Variants in NUP98 observed in about 807,000 individuals in gnomAD.
NUP98 encodes nuclear pore complex protein Nup98-Nup96.
Under a neutral mutation model 191.9 loss-of-function variants are expected in NUP98, and 26 were observed. The ratio of observed to expected loss-of-function variants is 0.14; its 90% CI spans 0.10 to 0.19. The LOEUF is 0.19. Ranked by LOEUF, NUP98 falls within the 10% of genes least tolerant of loss-of-function variation. The probability of loss-of-function intolerance (pLI) is 1.00; values close to 1 mark genes in which losing one functional copy is unlikely to be tolerated. For missense variants in NUP98, 1,941 were observed against 2,178.8 expected, an observed-to-expected ratio of 0.89 and a Z score of 2.17; for synonymous variants, 808 against 778.4, an observed-to-expected ratio of 1.04 and a Z score of -0.63.
chr11:3,689,426 C>G (rs1485243340), intron 28 of NUP98, among the ~76,000 whole-genome samples: 1 of 151,812 alleles, frequency 6.6e-6, no homozygotes, highest in African/African-American at 2.4e-5. Context: ...ACTTGGGAGG[C>G]TGAGGCAGGA....
At chr11:3,740,190 A>G (rs2080228899) in intron 12 of NUP98, among the ~76,000 whole-genome samples, 1 of 152,136 alleles carries the variant, frequency 6.6e-6, no homozygotes, top group Admixed American at 6.6e-5. Flanking sequence ...ATGAAGTAGA[A>G]TTGAAAACAG....
At chr11:3,686,740 T>C (rs1326030848) in intron 28 of NUP98, among the ~76,000 whole-genome samples, 2 of 152,026 alleles carry the variant, frequency 1.3e-5, no homozygotes, top group Non-Finnish European at 2.9e-5. Flanking sequence ...TCCCAACACA[T>C]TGGAAGGCTG....
At chr11:3,683,617 C>A (rs1265442221) in intron 29 of NUP98, among the ~76,000 whole-genome samples, 176 bp from the exon 30 acceptor site, 1 of 151,820 alleles carries the variant, frequency 6.6e-6, no homozygotes, top group African/African-American at 2.4e-5. Flanking sequence ...TGGCTCACGG[C>A]AAATTCCACC....
intron 1 of NUP98, among the ~76,000 whole-genome samples, chr11:3,794,387 C>A (rs1462477979): frequency 2.6e-5 from 4 of 152,156 alleles, no homozygotes; most frequent in African/African-American, 9.7e-5. Flanking sequence ...GTGGCACAAT[C>A]TTGGCTCACT....
Position 3,676,164 on chromosome 11 carries a change from G to C in NUP98, c.5398C>G (p.Leu1800Val). ...TGATGCAAAGTGCCTGGGGCTCACAGGCTCCCAACAGCCAGTTCTCGCAGA... is the reference window on the plus strand; with the variant it reads ...TGATGCAAAGTGCCTGGGGCTCACACGCTCCCAACAGCCAGTTCTCGCAGA... ...SYLRELAVGS[L>V] The change falls in exon 33 of 33, where the codon CTG (leucine) becomes GTG (valine). Residue 1800 changes from leucine to valine, a missense_variant. This residue lies in a region of NUP98 where 1,030 missense variants were observed against 1,115.8 expected (regional missense o/e 0.92). Transcript: ENST00000324932. 1 of 1,613,908 alleles carries C rather than the reference G, an allele frequency of 6.2e-7. No individual in the cohort carries two copies. Among genetic ancestry groups the C allele is most frequent in the Non-Finnish European group, 8.5e-7 (1 of 1,179,956 alleles).
intron 28 of NUP98, among the ~76,000 whole-genome samples, chr11:3,690,639 G>C (rs145597747): frequency 2.6e-5 from 4 of 151,948 alleles, no homozygotes; most frequent in African/African-American, 9.7e-5. Flanking sequence ...CCAATAAAAT[G>C]GTAAAATTTA....
chr11:3,720,770 A>T lies in NUP98; in HGVS notation c.2202T>A (p.Ala734=). The T allele has an allele frequency of 6.3e-7, 1 of 1,599,754 alleles. No individual in the cohort carries two copies. Among genetic ancestry groups the T allele is most frequent in the Non-Finnish European group, 8.6e-7 (1 of 1,169,302 alleles). ...YYTIPSMDDL[A]KITNEKGECI... Reference sequence around the variant, plus strand: ...ACTCTCCTTTTTCATTGGTAATTTTAGCAAGGTCATCCATAGATGGAATAG... The same window carrying T: ...ACTCTCCTTTTTCATTGGTAATTTTTGCAAGGTCATCCATAGATGGAATAG... Residue 734 remains alanine (A), a synonymous_variant, in exon 17 of 33, where the codon GCT becomes GCA. Transcript: ENST00000324932.
chr11:3,712,759 TTAAACA>T, intron 19 of NUP98, 31 bp from the exon 20 acceptor site: 1 of 1,602,380 alleles, frequency 6.2e-7, no homozygotes, highest in Non-Finnish European at 8.5e-7. Flanking sequence ...ACAAAACAAC[TTAAACA>T]TTATGCTTTC....
At chr11:3,709,268 C>T (rs552249685) in intron 20 of NUP98, among the ~76,000 whole-genome samples, 1 of 152,206 alleles carries the variant, frequency 6.6e-6, no homozygotes, top group East Asian at 1.9e-4. Context: ...TTTGGCTGGA[C>T]GTGGTGGCTT....
At chr11:3,731,051 A>G (rs111340823) in intron 14 of NUP98, among the ~76,000 whole-genome samples, 3,087 of 152,232 alleles carry the variant, frequency 0.02, 97 homozygotes, top group African/African-American at 0.071. Flanking sequence ...GATCATATGC[A>G]GTCAGGGGTT....
At chr11:3,759,015 T>C (rs1050187209) in intron 10 of NUP98, among the ~76,000 whole-genome samples, 2 of 152,230 alleles carry the variant, frequency 1.3e-5, no homozygotes, top group Non-Finnish European at 2.9e-5. Flanking sequence ...TTCCTGTAGT[T>C]GATAAACATA....
intron 4 of NUP98, among the ~76,000 whole-genome samples, chr11:3,778,215 A>G (rs189425080): frequency 4.7e-5 from 7 of 150,464 alleles, no homozygotes; most frequent in Admixed American, 6.6e-5. Flanking sequence ...AAAAAAAAAA[A>G]AAAAAGAAAG....
intron 11 of NUP98, among the ~76,000 whole-genome samples, chr11:3,748,263 T>A (rs773568056): frequency 6.6e-6 from 1 of 152,114 alleles, no homozygotes; most frequent in Non-Finnish European, 1.5e-5. Flanking sequence ...GTAATTCTGA[T>A]CACATAAAAA....
At chr11:3,728,298 A>G (rs1313901565) in intron 14 of NUP98, among the ~76,000 whole-genome samples, 1 of 152,216 alleles carries the variant, frequency 6.6e-6, no homozygotes. Flanking sequence ...ATGCCAATGT[A>G]AGCACTTTGG....
intron 6 of NUP98, among the ~76,000 whole-genome samples, chr11:3,772,685 T>G (rs1364418667): frequency 6.6e-6 from 1 of 151,872 alleles, no homozygotes; most frequent in African/African-American, 2.4e-5. Context: ...CATAGTGGCG[T>G]GCAGCTGCAA....
chr11:3,762,279 G>GTTT (rs750354577), intron 9 of NUP98, among the ~76,000 whole-genome samples: 1 of 142,090 alleles, frequency 7.0e-6, no homozygotes, highest in East Asian at 2.0e-4. Flanking sequence ...CCAGCTAGTG[G>GTTT]TTTTTTTTTT....
chr11:3,721,020 G>C, intron 16 of NUP98, 195 bp from the exon 17 acceptor site: 1 of 371,820 alleles, frequency 2.7e-6, no homozygotes, highest in Non-Finnish European at 4.8e-6. Flanking sequence ...AAAGCTTCAT[G>C]GTCAAATAGG....
intron 14 of NUP98, among the ~76,000 whole-genome samples, chr11:3,726,683 T>A (rs1039622788): frequency 6.6e-6 from 1 of 151,978 alleles, no homozygotes; most frequent in Non-Finnish European, 1.5e-5. Context: ...TCTTAAATAC[T>A]TTTTCCCCCA....
intron 22 of NUP98, among the ~76,000 whole-genome samples, chr11:3,703,902 G>C (rs984212540): frequency 1.3e-5 from 2 of 152,102 alleles, no homozygotes; most frequent in African/African-American, 2.4e-5. Context: ...TGCCCAGGCT[G>C]CTCTCCAAAT....
Sources: gnomAD v4.1 joint callset for allele counts (sites outside exome capture counted in the v4.1 genomes callset) on GRCh38, gnomAD v4.1.1 for gene constraint, gnomAD v4.1.1 regional missense constraint, MANE v1.5 for transcripts, NCBI Gene and HGNC (gene_info 2026-07-23, HGNC 2026-07-21) for gene names.